GABRB1: variants seen among roughly 807,000 people sequenced by gnomAD.
GABRB1 encodes the protein gamma-aminobutyric acid receptor subunit beta-1.
In GABRB1, 17 loss-of-function variants were observed where a neutral mutation model predicts 51.6. The observed-to-expected ratio is 0.33, with a 90% CI of 0.23 to 0.49. The LOEUF is 0.49. Among genes scored for constraint, GABRB1 ranks in the 20% least tolerant of loss-of-function variants. The pLI, the probability that GABRB1 is intolerant of heterozygous loss-of-function variation, is 0.99. For synonymous variants in GABRB1, 247 were observed against 218.9 expected, an observed-to-expected ratio of 1.13 and a Z score of -1.14; for missense variants, 410 against 600.6, an observed-to-expected ratio of 0.68 and a Z score of 3.32.
At chr4:47,017,930 T>C (rs921003132) in intron 1 of GABRB1, among the ~76,000 whole-genome samples, 2 of 152,198 alleles carry the variant, frequency 1.3e-5, no homozygotes, top group African/African-American at 4.8e-5. Flanking sequence ...TTATTGACTT[T>C]TCTCTTTCAA....
At chr4:47,110,909 T>A (rs1297031912) in intron 3 of GABRB1, among the ~76,000 whole-genome samples, 1 of 152,174 alleles carries the variant, frequency 6.6e-6, no homozygotes, top group Admixed American at 6.5e-5. Flanking sequence ...AACCTATATT[T>A]CTCTGAAGAA....
At chr4:47,159,509 ATTTTT>A (rs5858056) in intron 3 of GABRB1, among the ~76,000 whole-genome samples, 1 of 148,738 alleles carries the variant, frequency 6.7e-6, no homozygotes, top group Non-Finnish European at 1.5e-5. Context: ...CCTGAGGGTT[ATTTTT>A]TTTTTTTTAC....
chr4:47,368,238 G>T (rs544991291), intron 5 of GABRB1, among the ~76,000 whole-genome samples: 1 of 152,046 alleles, frequency 6.6e-6, no homozygotes, highest in East Asian at 1.9e-4. Context: ...CAAATTGAAG[G>T]GTGTCAAGAA....
chr4:47,048,764 AG>A (rs1228659172), intron 3 of GABRB1, among the ~76,000 whole-genome samples: 1 of 152,160 alleles, frequency 6.6e-6, no homozygotes, highest in Non-Finnish European at 1.5e-5. Context: ...CTGGGTTTAA[AG>A]CTCAGGGCTG....
chr4:47,110,592 G>C (rs1239536178), intron 3 of GABRB1, among the ~76,000 whole-genome samples: 1 of 152,184 alleles, frequency 6.6e-6, no homozygotes, highest in Non-Finnish European at 1.5e-5. Flanking sequence ...GTTCCAAAAG[G>C]CATCTAAGGG....
intron 4 of GABRB1, among the ~76,000 whole-genome samples, chr4:47,310,843 C>A (rs1724641415): frequency 6.6e-6 from 1 of 152,028 alleles, no homozygotes; most frequent in Non-Finnish European, 1.5e-5. Context: ...CTTCTCATGG[C>A]AAAAGGGGCT....
intron 4 of GABRB1, among the ~76,000 whole-genome samples, chr4:47,201,204 T>C (rs891523340): frequency 2.4e-4 from 36 of 152,152 alleles, no homozygotes; most frequent in African/African-American, 8.0e-4. Flanking sequence ...CCATCTTTTA[T>C]ATCATATCAT....
At chr4:46,999,110 G>A (rs921339784) in intron 1 of GABRB1, among the ~76,000 whole-genome samples, 1 of 152,112 alleles carries the variant, frequency 6.6e-6, no homozygotes, top group Non-Finnish European at 1.5e-5. Context: ...GTAATGGTTT[G>A]CAAGGATAAT....
At chr4:47,188,036 G>T (rs958854360) in intron 4 of GABRB1, among the ~76,000 whole-genome samples, 1 of 151,766 alleles carries the variant, frequency 6.6e-6, no homozygotes, top group Non-Finnish European at 1.5e-5. Flanking sequence ...TTCAAATCAC[G>T]TATTTGTTGG....
At chr4:47,010,420 A>C (rs1379633120) in intron 1 of GABRB1, among the ~76,000 whole-genome samples, 1 of 152,244 alleles carries the variant, frequency 6.6e-6, no homozygotes, top group African/African-American at 2.4e-5. Flanking sequence ...AACAAAATAA[A>C]GATCACATCT....
chr4:47,091,164 A>T (rs1012046318), intron 3 of GABRB1, among the ~76,000 whole-genome samples: 1 of 152,022 alleles, frequency 6.6e-6, no homozygotes, highest in Admixed American at 6.6e-5. Flanking sequence ...GGATACTGCT[A>T]AACATCGTAC....
At chr4:47,242,387 T>C (rs1005246410) in intron 4 of GABRB1, among the ~76,000 whole-genome samples, 3 of 152,200 alleles carry the variant, frequency 2.0e-5, no homozygotes, top group African/African-American at 7.2e-5. Flanking sequence ...TTTATAATCC[T>C]TTGAGTATAT....
rs1361798205 is a variant in GABRB1 at position 47,002,731 on chromosome 4, T to G, written c.-20+8805T>G. ...TAAACTTTCACTTTCCAAACAAATC[T>G]GTGAATCCTGAACATGATACAGTGG... On this transcript the variant is annotated intron_variant, in intron 1 of 3. Transcript: ENST00000513567. Among the ~76,000 whole-genome samples, 13 of 152,312 alleles carry G rather than the reference T, an allele frequency of 8.5e-5. No homozygotes were observed. In the South Asian group the frequency reaches 1.5e-3, roughly 17 times the overall value.
intron 4 of GABRB1, among the ~76,000 whole-genome samples, chr4:47,310,221 T>C (rs10938480): frequency 0.97 from 147,591 of 152,270 alleles, 71,632 homozygotes; most frequent in East Asian, 1. Context: ...GTAATAGTTC[T>C]AAATGAGAAA....
chr4:47,127,659 A>C (rs1716218636), intron 3 of GABRB1, among the ~76,000 whole-genome samples: 2 of 151,748 alleles, frequency 1.3e-5, no homozygotes, highest in South Asian at 4.2e-4. Context: ...CATGTGAACT[A>C]CCTTACCTAG....
chr4:47,260,513 G>T (rs1379141802), intron 4 of GABRB1, among the ~76,000 whole-genome samples: 1 of 152,064 alleles, frequency 6.6e-6, no homozygotes, highest in African/African-American at 2.4e-5. Flanking sequence ...CTCTTTTAGG[G>T]CAGGCCTGGT....
chr4:47,106,499 T>G (rs1337590468), intron 3 of GABRB1, among the ~76,000 whole-genome samples: 2 of 152,118 alleles, frequency 1.3e-5, no homozygotes, highest in South Asian at 4.1e-4. Context: ...TACAGATGAC[T>G]TACAGGAGAG....
chr4:47,293,428 C>T (rs962078018), intron 4 of GABRB1, among the ~76,000 whole-genome samples: 8 of 152,208 alleles, frequency 5.3e-5, no homozygotes, highest in Admixed American at 1.3e-4. Context: ...CATGAGCCAC[C>T]GTGCCTGGCC....
intron 5 of GABRB1, among the ~76,000 whole-genome samples, chr4:47,326,898 T>C (rs978115652): frequency 1.3e-5 from 2 of 152,212 alleles, no homozygotes; most frequent in African/African-American, 4.8e-5. Flanking sequence ...ATGCTTGTTG[T>C]TTCTTTCCCC....
Sources: allele counts gnomAD v4.1 joint callset (sites outside exome capture counted in the v4.1 genomes callset), GRCh38; gene constraint gnomAD v4.1.1; transcripts MANE v1.5; gene names NCBI Gene and HGNC (gene_info 2026-07-23, HGNC 2026-07-21).